The following AK3 variants were observed in gnomAD, a reference collection of about 807,000 sequenced individuals.
The protein encoded by AK3 is GTP:AMP phosphotransferase AK3, mitochondrial.
AK3 carries 27 observed loss-of-function variants against 23.7 expected under a neutral mutation model. That is an observed-to-expected ratio of 1.14 (90% CI 0.84 to 1.57). The LOEUF is 1.57. Ranked by LOEUF, AK3 falls within the 40% of genes most tolerant of loss-of-function variation. The pLI, the probability that AK3 is intolerant of heterozygous loss-of-function variation, is 0.00. For synonymous variants in AK3, 159 were observed against 116.0 expected (o/e 1.37, Z -2.38); for missense variants, 406 against 285.6 (o/e 1.42, Z -3.04).
At chr9:4,717,224 G>T (rs915917122) in intron 4 of AK3, among the ~76,000 whole-genome samples, 1 of 152,116 alleles carries the variant, frequency 6.6e-6, no homozygotes, top group Non-Finnish European at 1.5e-5. Flanking sequence ...ATACTGTTCT[G>T]CCCTGATCAG....
intron 4 of AK3, among the ~76,000 whole-genome samples, chr9:4,717,631 T>C (rs1412280558): frequency 1.3e-5 from 2 of 152,220 alleles, no homozygotes; most frequent in Non-Finnish European, 2.9e-5. Flanking sequence ...GCAACATGCA[T>C]TCAATAGAAA....
chr9:4,724,904 G>A (rs963492111), intron 1 of AK3, among the ~76,000 whole-genome samples: 1 of 151,944 alleles, frequency 6.6e-6, no homozygotes, highest in Non-Finnish European at 1.5e-5. Flanking sequence ...TTTAACAAAT[G>A]CTCCTGGGAC....
chr9:4,724,880 G>C (rs991514877), intron 1 of AK3, among the ~76,000 whole-genome samples: 2 of 151,964 alleles, frequency 1.3e-5, no homozygotes, highest in African/African-American at 4.8e-5. Context: ...AATGAATGAA[G>C]AAAAAGTAGT....
intron 4 of AK3, among the ~76,000 whole-genome samples, chr9:4,714,330 G>A (rs1391252776): frequency 1.3e-5 from 2 of 152,136 alleles, no homozygotes; most frequent in Non-Finnish European, 2.9e-5. Context: ...CCCTTCTTCC[G>A]AGGTTTTCAG....
At chr9:4,733,318 C>T (rs1842196711) in intron 1 of AK3, among the ~76,000 whole-genome samples, 1 of 132,002 alleles carries the variant, frequency 7.6e-6, no homozygotes. Flanking sequence ...TAGCTTTACA[C>T]CCAATCAAGG....
intron 1 of AK3, among the ~76,000 whole-genome samples, chr9:4,733,992 C>T (rs12156500): frequency 0.5 from 75,291 of 152,052 alleles, 20,406 homozygotes; most frequent in East Asian, 0.74. Context: ...CTCCAATGAC[C>T]GTGTTTACAT....
At chr9:4,721,631 G>A (rs1328338156) in intron 2 of AK3, among the ~76,000 whole-genome samples, 4 of 151,944 alleles carry the variant, frequency 2.6e-5, no homozygotes, top group African/African-American at 9.7e-5. Context: ...GCTAATTTTT[G>A]TATTTTTAGT....
chr9:4,729,017 T>TATA (rs1563793542), intron 1 of AK3, among the ~76,000 whole-genome samples: 5 of 122,114 alleles, frequency 4.1e-5, no homozygotes, highest in African/African-American at 1.2e-4. Context: ...ATATATATAT[T>TATA]TTTTTTTTTT....
At chr9:4,721,454 C>T (rs557040717) in intron 2 of AK3, among the ~76,000 whole-genome samples, 55 of 150,204 alleles carry the variant, frequency 3.7e-4, no homozygotes, top group African/African-American at 1.3e-3. Context: ...ACTCTCTGTT[C>T]ACATCAACTT....
At chr9:4,736,611 A>G (rs898554923) in intron 1 of AK3, among the ~76,000 whole-genome samples, 3 of 152,060 alleles carry the variant, frequency 2.0e-5, no homozygotes, top group African/African-American at 7.2e-5. Context: ...ATTATCTACT[A>G]CATTCATCTC....
chr9:4,718,987 C>G (rs1222686354), intron 3 of AK3, 148 bp downstream of exon 3: 3 of 882,698 alleles, frequency 3.4e-6, no homozygotes, highest in Non-Finnish European at 5.1e-6. Context: ...GCTCAGTGGA[C>G]TTGATCAGTC....
intron 1 of AK3, among the ~76,000 whole-genome samples, chr9:4,740,019 G>GT (rs752384453): frequency 3.1e-4 from 38 of 122,942 alleles, no homozygotes; most frequent in Non-Finnish European, 5.0e-4. Context: ...AGAGGGCGTT[G>GT]TTTTTTATGC....
At chr9:4,724,541 A>G (rs1841977097) in intron 1 of AK3, among the ~76,000 whole-genome samples, 2 of 152,194 alleles carry the variant, frequency 1.3e-5, no homozygotes, top group Non-Finnish European at 2.9e-5. Flanking sequence ...GCATCCAGAA[A>G]AAAAGAAGTA....
At chr9:4,732,369 G>C (rs1031075045) in intron 1 of AK3, among the ~76,000 whole-genome samples, 5 of 152,128 alleles carry the variant, frequency 3.3e-5, no homozygotes, top group African/African-American at 4.8e-5. Context: ...AAGGCTCCTG[G>C]TCAACAGTAG....
chr9:4,726,481 C>G (rs949551064), intron 1 of AK3, among the ~76,000 whole-genome samples: 1 of 152,152 alleles, frequency 6.6e-6, no homozygotes, highest in Non-Finnish European at 1.5e-5. Flanking sequence ...TAGATTCTAC[C>G]TCAAGAAACC....
In AK3 at chr9:4,722,600, G is replaced by A; in HGVS notation, c.177C>T (p.Phe59=). 4 of 1,614,176 alleles carry A rather than the reference G, an allele frequency of 2.5e-6. No homozygotes were observed. The highest frequency in any genetic ancestry group is 2.2e-5 in the South Asian group (2 of 91,078). The change falls in exon 2 of 5, where the codon TTC becomes TTT. Residue 59 remains phenylalanine, a synonymous_variant. Transcript: ENST00000381809. ...CTGGGATGAGTTTCCCTTGGTCAAT[G>A]AAAGCCTTGGCTAACACGCCAATTT... The part of the protein sequence containing the change: ...GTEIGVLAKA[F]IDQGKLIPDD...
In AK3 at chr9:4,718,512, G is replaced by A; in HGVS notation, c.470C>T (p.Pro157Leu). 1 of 1,613,742 alleles carries A rather than the reference G, an allele frequency of 6.2e-7. No homozygotes were observed. The highest frequency in any genetic ancestry group is 8.5e-7 in the Non-Finnish European group (1 of 1,179,778). ...TVGIDDLTGE[P>L]LIQREDDKPE... ...TTTATCATCCTCACGCTGAATGAGA[G>A]GCTCCCCAGTCAGGTCATCAATGCC... The change falls in exon 4 of 5, where the codon CCT becomes CTT. Residue 157 changes from proline (P) to leucine (L), a missense_variant. Physicochemically the swap from Pro to Leu is moderately conservative, Grantham distance 98. Transcript: ENST00000381809.
At chr9:4,739,789 G>A (rs1168714541) in intron 1 of AK3, among the ~76,000 whole-genome samples, 1 of 152,018 alleles carries the variant, frequency 6.6e-6, no homozygotes, top group Non-Finnish European at 1.5e-5. Flanking sequence ...AAATTAGCCC[G>A]GCGTGGTGGC....
intron 1 of AK3, among the ~76,000 whole-genome samples, chr9:4,738,195 C>T (rs181057998): frequency 5.3e-5 from 8 of 152,200 alleles, no homozygotes; most frequent in Non-Finnish European, 1.0e-4. Context: ...GACAGAGTTC[C>T]GCTCTTTTCA....
Sources: gnomAD v4.1 joint callset for allele counts (sites outside exome capture counted in the v4.1 genomes callset) on GRCh38, gnomAD v4.1.1 for gene constraint, MANE v1.5 for transcripts, NCBI Gene and HGNC (gene_info 2026-07-23, HGNC 2026-07-21) for gene names.